Variants in ANK2 observed in about 807,000 individuals in gnomAD.
ANK2 encodes the protein ankyrin-2.
ANK2 carries 83 observed loss-of-function variants against 360.5 expected under a neutral mutation model. The observed-to-expected ratio is 0.23, with a 90% CI of 0.19 to 0.28. ANK2 has a LOEUF of 0.28. Ranked by LOEUF, ANK2 falls within the 10% of genes least tolerant of loss-of-function variation. ANK2 has a pLI of 1.00. For synonymous variants in ANK2, 1,740 were observed against 1,759.5 expected (o/e 0.99, Z 0.28); for missense variants, 4,201 against 4,795.7 (o/e 0.88, Z 3.66).
intron 1 of ANK2, among the ~76,000 whole-genome samples, chr4:113,146,867 T>TA (rs2096855287): frequency 6.6e-6 from 1 of 152,234 alleles, no homozygotes; most frequent in South Asian, 2.1e-4. Flanking sequence ...GATTTCTGAG[T>TA]AAGAGAGGCA....
chr4:113,156,389 A>ATTTTTTTTTTTT (rs1562481290), intron 1 of ANK2, among the ~76,000 whole-genome samples: 1 of 137,932 alleles, frequency 7.2e-6, no homozygotes, highest in African/African-American at 2.7e-5. Context: ...TTTGTTTTTG[A>ATTTTTTTTTTTT]GACAGAGTTT....
chr4:112,781,832 T>TG, the ANK2 span, among the ~76,000 whole-genome samples: 4 of 148,102 alleles, frequency 2.7e-5, no homozygotes, highest in African/African-American at 1.0e-4. Context: ...ACAGTATTTT[T>TG]TTTTTTTTTT....
At chr4:113,309,737 T>A (rs2078955054) in intron 23 of ANK2, among the ~76,000 whole-genome samples, 1 of 152,030 alleles carries the variant, frequency 6.6e-6, no homozygotes, top group African/African-American at 2.4e-5. Flanking sequence ...TCAGGCTGGT[T>A]TCAAACTTCT....
chr4:112,790,073 A>G, the ANK2 span, among the ~76,000 whole-genome samples: 1 of 152,186 alleles, frequency 6.6e-6, no homozygotes, highest in African/African-American at 2.4e-5. Context: ...CAAAGGATTC[A>G]CTGAGGAGCT....
chr4:112,793,827 T>A, the ANK2 span, among the ~76,000 whole-genome samples: 6 of 150,340 alleles, frequency 4.0e-5, no homozygotes, highest in African/African-American at 1.5e-4. Flanking sequence ...CACCTCAACC[T>A]CCCGAGTAGC....
At chr4:113,373,607 C>A in intron 45 of ANK2, 158 bp downstream of exon 45, 1 of 840,472 alleles carries the variant, frequency 1.2e-6, no homozygotes, top group East Asian at 2.4e-5. Context: ...TTTCATGATT[C>A]TATGTGATTT....
chr4:113,184,652 G>A (rs1456855189), intron 2 of ANK2, among the ~76,000 whole-genome samples: 2 of 152,110 alleles, frequency 1.3e-5, no homozygotes, highest in African/African-American at 4.8e-5. Flanking sequence ...TGCAGTAGCT[G>A]AGATTTTGCC....
At chr4:113,285,305 A>G (rs796636057) in intron 18 of ANK2, among the ~76,000 whole-genome samples, 40 of 152,142 alleles carry the variant, frequency 2.6e-4, no homozygotes, top group African/African-American at 9.2e-4. Context: ...TTCAGTTCTA[A>G]CACTGTCTAT....
At chr4:112,784,444 G>A in the ANK2 span, among the ~76,000 whole-genome samples, 26 of 138,062 alleles carry the variant, frequency 1.9e-4, no homozygotes, top group Non-Finnish European at 3.0e-4. Context: ...TGCAAGCTCC[G>A]CCTCCCAGGT....
intron 20 of ANK2, among the ~76,000 whole-genome samples, chr4:113,290,668 A>C (rs202055705): frequency 6.9e-4 from 105 of 152,350 alleles, no homozygotes; most frequent in Admixed American, 1.9e-3. Context: ...AATGAAAACA[A>C]CACCACCAAA....
upstream of ANK2, among the ~76,000 whole-genome samples, chr4:113,049,351 G>A (rs1580041605): frequency 6.6e-6 from 1 of 152,088 alleles, no homozygotes; most frequent in African/African-American, 2.4e-5. Flanking sequence ...TATCTGTTCC[G>A]TGTTGAAGTA....
intron 2 of ANK2, among the ~76,000 whole-genome samples, chr4:113,196,115 C>T (rs539500733): frequency 2.6e-5 from 4 of 152,200 alleles, no homozygotes; most frequent in African/African-American, 4.8e-5. Flanking sequence ...GAGATTTCTT[C>T]GTTTAAAAAA....
chr4:113,185,304 G>A (rs757131535), intron 2 of ANK2, among the ~76,000 whole-genome samples: 3 of 152,184 alleles, frequency 2.0e-5, no homozygotes, highest in Non-Finnish European at 4.4e-5. Context: ...CTTCCACAAT[G>A]GTTGAGCTAA....
intron 1 of ANK2, among the ~76,000 whole-genome samples, chr4:113,086,303 T>C (rs1298974529): frequency 6.6e-6 from 1 of 152,216 alleles, no homozygotes; most frequent in East Asian, 1.9e-4. Context: ...ACTCTTTTTA[T>C]CATAAAATCA....
In ANK2 at chr4:112,921,380, T is replaced by G. The variant is rs1011651273; in HGVS notation, c.21+16866T>G. ...ATTTTCTGCATTAGGTTTCTTTAAG[T>G]TTTTTTTTTTTTTTTTTTTAACTGT... On this transcript the variant is annotated intron_variant, in intron 2 of 30. Coordinates refer to the ANK2 transcript ENST00000503271. 2.0e-4 allele frequency among the ~76,000 whole-genome samples: 12 copies of G among 58,584 alleles called. 1 individual carries two copies. Among genetic ancestry groups the G allele is most frequent in the African/African-American group, 1.4e-3 (10 of 7,016 alleles). The allele number at this position is 58,584 out of a possible 152,430, so 38.4% of individuals were successfully genotyped here. A position where few individuals can be genotyped will look rare whatever the true frequency, so the allele number is the denominator to read the frequency against.
chr4:113,004,941 T>C lies in ANK2; in HGVS notation c.21+100427T>C, dbSNP rs918824806. The stretch of plus-strand genomic sequence containing the variant: ...GTCATCACGTGGCGCATGACTGTAT[T>C]TTAATAAGCCGTAAGAGAATCTTTT... On this transcript the variant is annotated intron_variant, in intron 2 of 30. Transcript: ENST00000503271. 2.6e-5 allele frequency among the ~76,000 whole-genome samples: 4 copies of C among 152,318 alleles called. No individual in the cohort carries two copies. The East Asian group carries it at 7.7e-4, about 29-fold the overall frequency.
chr4:112,912,647 A>T (rs1253322553), intron 2 of ANK2, among the ~76,000 whole-genome samples: 1 of 152,118 alleles, frequency 6.6e-6, no homozygotes, highest in African/African-American at 2.4e-5. Context: ...TTTCTAGAAG[A>T]CCAAATTTGT....
chr4:113,020,390 C>A (rs1292328104), intron 2 of ANK2, among the ~76,000 whole-genome samples: 3 of 152,032 alleles, frequency 2.0e-5, no homozygotes, highest in African/African-American at 7.2e-5. Flanking sequence ...GAGACAGGGT[C>A]TCGCTGTGTT....
At chr4:113,221,319 G>A (rs980326707) in intron 4 of ANK2, among the ~76,000 whole-genome samples, 2 of 151,500 alleles carry the variant, frequency 1.3e-5, no homozygotes, top group Non-Finnish European at 2.9e-5. Flanking sequence ...TGAGTAAAAT[G>A]GGGCAAGGAT....
Sources: allele counts gnomAD v4.1 joint callset (sites outside exome capture counted in the v4.1 genomes callset), GRCh38; gene constraint gnomAD v4.1.1; transcripts MANE v1.5; gene names NCBI Gene and HGNC (gene_info 2026-07-23, HGNC 2026-07-21).